Variants in DNAJC12 observed in about 807,000 individuals in gnomAD.
The protein encoded by DNAJC12 is DnaJ heat shock protein family (Hsp40) member C12, also known as dnaJ homolog subfamily C member 12.
A neutral mutation model predicts 28.5 loss-of-function variants in DNAJC12; 25 were observed. That is an observed-to-expected ratio of 0.88 (90% CI 0.64 to 1.22). DNAJC12 has a LOEUF of 1.22. Ranked by LOEUF, DNAJC12 falls within the 50% of genes most tolerant of loss-of-function variation. The pLI is 0.00. For synonymous variants in DNAJC12, 77 were observed against 80.6 expected, an observed-to-expected ratio of 0.95 and a Z score of 0.24; for missense variants, 222 against 231.7, an observed-to-expected ratio of 0.96 and a Z score of 0.27.
At position 67,805,612 on chromosome 10, in the gene DNAJC12, G is replaced by C. The variant is rs1841792117; in HGVS notation, c.473C>G (p.Ser158Ter). Residue 158 changes from serine to a stop codon, truncating the protein, a stop_gained, in exon 4 of 5, where the codon TCA (serine) becomes TGA (stop). Transcript: ENST00000225171. LOFTEE classifies it high-confidence loss of function. ...AGAATCTGAATTTTGCGGGGAGACT[G>C]ACTTCTCTAGGGGCTTGGGTTCTTT... ...EQKEPKPLEK[S>*]VSPQNSDSSG... 1 of 1,610,448 alleles carries C rather than the reference G, an allele frequency of 6.2e-7. No homozygotes were observed. Among genetic ancestry groups the C allele is most frequent in the South Asian group, 1.1e-5 (1 of 90,266 alleles).
intron 4 of DNAJC12, among the ~76,000 whole-genome samples, chr10:67,798,589 A>G (rs1841704197): frequency 6.6e-6 from 1 of 151,976 alleles, no homozygotes; most frequent in African/African-American, 2.4e-5. Context: ...GACTAAGACA[A>G]GAGGATTACT....
At chr10:67,831,339 C>G (rs1405748010) in intron 1 of DNAJC12, among the ~76,000 whole-genome samples, 1 of 152,090 alleles carries the variant, frequency 6.6e-6, no homozygotes, top group African/African-American at 2.4e-5. Flanking sequence ...TTTGTGCTTT[C>G]TTTGTATTCC....
rs375370256 is a variant in DNAJC12 at position 67,820,932 on chromosome 10, C to T, written c.157+2382G>A. On this transcript the variant is annotated intron_variant, in intron 2 of 4. Transcript: ENST00000225171. Reference sequence around the variant, plus strand: ...CCAAGTAGCTGGGATTACACGCATGCGCCACTAGGCCCGGCTCACTTTGTA... The same window carrying T: ...CCAAGTAGCTGGGATTACACGCATGTGCCACTAGGCCCGGCTCACTTTGTA... 5.9e-5 allele frequency among the ~76,000 whole-genome samples: 9 copies of T among 151,950 alleles called. No individual in the cohort carries two copies. The East Asian group carries it at 7.9e-4, about 13-fold the overall frequency.
At chr10:67,799,044 C>T (rs980568196) in intron 4 of DNAJC12, among the ~76,000 whole-genome samples, 1 of 152,130 alleles carries the variant, frequency 6.6e-6, no homozygotes, top group Non-Finnish European at 1.5e-5. Flanking sequence ...GGATTACAGG[C>T]GTCAGCCACC....
intron 1 of DNAJC12, among the ~76,000 whole-genome samples, chr10:67,828,552 C>T (rs1376091537): frequency 3.9e-5 from 6 of 152,072 alleles, no homozygotes; most frequent in Non-Finnish European, 7.4e-5. Flanking sequence ...GTTTCCTCTT[C>T]CTGGGTGCTG....
At chr10:67,827,961 C>T (rs1232999283) in intron 1 of DNAJC12, among the ~76,000 whole-genome samples, 2 of 152,072 alleles carry the variant, frequency 1.3e-5, no homozygotes, top group Admixed American at 1.3e-4. Flanking sequence ...TTGTATTTAT[C>T]TTCTGGCCTC....
chr10:67,823,490 A>G, intron 1 of DNAJC12, 98 bp from the exon 2 acceptor site: 1 of 941,836 alleles, frequency 1.1e-6, no homozygotes, highest in Non-Finnish European at 1.7e-6. Flanking sequence ...CAAGCGGATC[A>G]CCAGGAATAA....
chr10:67,830,472 G>A (rs1436600028), intron 1 of DNAJC12, among the ~76,000 whole-genome samples: 1 of 151,072 alleles, frequency 6.6e-6, no homozygotes, highest in Non-Finnish European at 1.5e-5. Context: ...GCTGGGCGTG[G>A]TGGCAGGCGC....
At position 67,823,345 on chromosome 10, in the gene DNAJC12, G is replaced by A. The variant is rs1003790724; in HGVS notation, c.126C>T (p.His42=). The A allele has an allele frequency of 6.8e-6, 11 of 1,613,924 alleles. No homozygotes were observed. The highest frequency in any genetic ancestry group is 9.3e-6 in the Non-Finnish European group (11 of 1,180,016). ...TGGGGTTTTCAGGATGCTTGTCTGG[G>A]TGACATTCCAGAGCTCTGACTTTAA... The part of the protein sequence containing the change: ...AEFKVRALEC[H]PDKHPENPKA... The change falls in exon 2 of 5, where the codon CAC becomes CAT. Residue 42 remains histidine, a synonymous_variant. Coordinates refer to ENST00000225171, the MANE Select transcript of DNAJC12 (RefSeq NM_021800.3).
chr10:67,802,987 C>T (rs1051251118), intron 4 of DNAJC12, among the ~76,000 whole-genome samples: 1 of 149,344 alleles, frequency 6.7e-6, no homozygotes, highest in African/African-American at 2.5e-5. Flanking sequence ...ATTACAGGCA[C>T]GCACCACCAC....
chr10:67,813,541 A>C (rs1277478739), intron 2 of DNAJC12, among the ~76,000 whole-genome samples: 1 of 151,518 alleles, frequency 6.6e-6, no homozygotes, highest in Non-Finnish European at 1.5e-5. Context: ...CGAGGTCAGG[A>C]GTTCGAGACC....
chr10:67,836,158 T>C (rs564654133), intron 1 of DNAJC12, among the ~76,000 whole-genome samples: 2 of 148,312 alleles, frequency 1.3e-5, no homozygotes, highest in African/African-American at 2.5e-5. Flanking sequence ...TGAGAGCACA[T>C]GGACACAGGC....
intron 1 of DNAJC12, chr10:67,833,797 T>TTTC (rs1842117104): frequency 8.0e-6 from 4 of 498,462 alleles, no homozygotes; most frequent in South Asian, 5.9e-5. Context: ...GGACTGACCA[T>TTTC]TGCTGCTGCA....
intron 4 of DNAJC12, among the ~76,000 whole-genome samples, chr10:67,797,877 A>G (rs942982977): frequency 2.2e-4 from 33 of 152,008 alleles, no homozygotes; most frequent in Admixed American, 2.2e-3. Context: ...CGTCTCTACT[A>G]AAAATACAAA....
At chr10:67,805,547 A>C in intron 4 of DNAJC12, 36 bp downstream of exon 4, 1 of 1,561,892 alleles carries the variant, frequency 6.4e-7, no homozygotes, top group Non-Finnish European at 8.6e-7. Context: ...TTAATTTCAG[A>C]CCTTCTCCAT....
chr10:67,826,778 AAT>A (rs1193601236), intron 1 of DNAJC12, among the ~76,000 whole-genome samples: 9 of 122,640 alleles, frequency 7.3e-5, no homozygotes, highest in African/African-American at 2.7e-4. Flanking sequence ...AATGATATAT[AAT>A]ATATATCATT....
intron 1 of DNAJC12, among the ~76,000 whole-genome samples, chr10:67,826,469 T>TATATATATATGC (rs1554885291): frequency 2.4e-4 from 3 of 12,548 alleles, no homozygotes; most frequent in Non-Finnish European, 1.2e-3. Context: ...TATATATGCA[T>TATATATATATGC]ATATATATAT....
intron 4 of DNAJC12, among the ~76,000 whole-genome samples, chr10:67,801,088 T>C (rs1198528674): frequency 2.0e-5 from 3 of 152,230 alleles, no homozygotes; most frequent in African/African-American, 4.8e-5. Context: ...ACAGTGGTTT[T>C]CAGATGCAGT....
rs368324975 is a variant in DNAJC12 at position 67,820,830 on chromosome 10, C to G, written c.157+2484G>C. Among the ~76,000 whole-genome samples, 10 of 121,334 alleles carry G rather than the reference C, an allele frequency of 8.2e-5. No homozygotes were observed. In the East Asian group the frequency reaches 2.2e-3, roughly 26 times the overall value. 79.6% of individuals were successfully genotyped at this position (121,334 alleles called of 152,430 possible). A position where few individuals can be genotyped will look rare whatever the true frequency, so the allele number is the denominator to read the frequency against. On this transcript the variant is annotated intron_variant, in intron 2 of 4. Transcript: ENST00000225171. ...TGGAGTTTCACTCTTGTTGCCCAGG[C>G]TAGAGTGCAATGGCGCAAGCTCTGC...
Sources: gnomAD v4.1 joint callset for allele counts (sites outside exome capture counted in the v4.1 genomes callset) on GRCh38, gnomAD v4.1.1 for gene constraint, MANE v1.5 for transcripts, NCBI Gene and HGNC (gene_info 2026-07-23, HGNC 2026-07-21) for gene names.